MAF: variants seen among roughly 807,000 people sequenced by gnomAD.
The protein encoded by MAF is MAF bZIP transcription factor.
A neutral mutation model predicts 22.0 loss-of-function variants in MAF; 10 were observed. The observed-to-expected ratio is 0.45, with a 90% CI of 0.28 to 0.77. The LOEUF is 0.77. Among genes scored for constraint, MAF ranks in the 30% least tolerant of loss-of-function variants. MAF has a pLI of 0.12. For missense variants in MAF, 544 were observed against 548.4 expected, an observed-to-expected ratio of 0.99 and a Z score of 0.08; for synonymous variants, 337 against 255.8, an observed-to-expected ratio of 1.32 and a Z score of -3.03.
chr16:79,561,564 G>C, the MAF span, among the ~76,000 whole-genome samples: 1 of 151,256 alleles, frequency 6.6e-6, no homozygotes, highest in African/African-American at 2.4e-5. Context: ...AGAACATGCA[G>C]TGTTTGGTTT....
At chr16:79,491,634 G>C in the MAF span, among the ~76,000 whole-genome samples, 1 of 152,268 alleles carries the variant, frequency 6.6e-6, no homozygotes, top group South Asian at 2.1e-4. Context: ...TGCCCAGAAT[G>C]CCCAGCGACT....
chr16:79,510,371 T>G, the MAF span, among the ~76,000 whole-genome samples: 1 of 152,190 alleles, frequency 6.6e-6, no homozygotes, highest in Admixed American at 6.5e-5. Context: ...TTCTGAGGTT[T>G]TATTAATGTT....
chr16:79,419,013 T>C, the MAF span, among the ~76,000 whole-genome samples: 1 of 152,220 alleles, frequency 6.6e-6, no homozygotes, highest in Non-Finnish European at 1.5e-5. Flanking sequence ...TAATAAGTGC[T>C]ATATCACAGA....
chr16:79,537,244 T>C, the MAF span, among the ~76,000 whole-genome samples: 2 of 152,220 alleles, frequency 1.3e-5, no homozygotes, highest in Non-Finnish European at 2.9e-5. Context: ...AACCTCGAAG[T>C]TTCCTGGTTT....
the MAF span, among the ~76,000 whole-genome samples, chr16:79,385,527 G>A: frequency 2.0e-5 from 3 of 152,190 alleles, no homozygotes; most frequent in Non-Finnish European, 2.9e-5. Flanking sequence ...GCAAGCATGC[G>A]TCTACTTATG....
At chr16:79,423,066 G>C in the MAF span, among the ~76,000 whole-genome samples, 1 of 152,164 alleles carries the variant, frequency 6.6e-6, no homozygotes, top group Admixed American at 6.5e-5. Context: ...AAGCCCAAGA[G>C]GGAGGGGATT....
At chr16:79,386,590 C>T in the MAF span, among the ~76,000 whole-genome samples, 14 of 152,168 alleles carry the variant, frequency 9.2e-5, no homozygotes, top group African/African-American at 2.4e-4. Context: ...GCCCATGGCC[C>T]GGTGGATGGG....
At chr16:79,340,966 T>G in the MAF span, among the ~76,000 whole-genome samples, 2 of 152,138 alleles carry the variant, frequency 1.3e-5, no homozygotes, top group African/African-American at 4.8e-5. Flanking sequence ...AGGTGACATT[T>G]AAGATGGGAC....
At chr16:79,450,958 GT>G in the MAF span, among the ~76,000 whole-genome samples, 1,777 of 151,972 alleles carry the variant, frequency 0.012, 36 homozygotes, top group African/African-American at 0.039. Context: ...TTTTTTCACG[GT>G]AATGTTCACA....
chr16:79,542,607 C>T, the MAF span, among the ~76,000 whole-genome samples: 3 of 152,336 alleles, frequency 2.0e-5, no homozygotes, highest in African/African-American at 7.2e-5. Context: ...ACTCTGGGTA[C>T]AGTGGCCAGA....
the MAF span, among the ~76,000 whole-genome samples, chr16:79,385,360 C>T: frequency 6.6e-6 from 1 of 152,178 alleles, no homozygotes; most frequent in African/African-American, 2.4e-5. Flanking sequence ...TGAATTTTGT[C>T]TCTGCCCGAG....
At chr16:79,546,613 G>A in the MAF span, among the ~76,000 whole-genome samples, 1 of 152,162 alleles carries the variant, frequency 6.6e-6, no homozygotes. Flanking sequence ...CTTTGAAGAA[G>A]GAAGAAGTTG....
the MAF span, among the ~76,000 whole-genome samples, chr16:79,239,225 A>C: frequency 1.3e-5 from 2 of 152,034 alleles, no homozygotes; most frequent in African/African-American, 4.8e-5. Context: ...CCGAGCTGGA[A>C]CATTTGCATG....
chr16:79,367,546 C>G, the MAF span, among the ~76,000 whole-genome samples: 6 of 152,296 alleles, frequency 3.9e-5, no homozygotes, highest in South Asian at 1.2e-3. Context: ...ATACTACATA[C>G]TAAGTGACTC....
chr16:79,209,975 G>C, the MAF span, among the ~76,000 whole-genome samples: 9 of 152,320 alleles, frequency 5.9e-5, no homozygotes, highest in South Asian at 4.1e-4. Context: ...TGGCTATTTG[G>C]AGTGGGCATG....
chr16:79,400,514 C>A, the MAF span, among the ~76,000 whole-genome samples: 1 of 152,210 alleles, frequency 6.6e-6, no homozygotes, highest in Non-Finnish European at 1.5e-5. Flanking sequence ...GGAGTTTATA[C>A]TTCTGGGGAG....
At chr16:79,363,956 G>T in the MAF span, among the ~76,000 whole-genome samples, 1 of 152,180 alleles carries the variant, frequency 6.6e-6, no homozygotes, top group Admixed American at 6.5e-5. Flanking sequence ...CAGCCTGACT[G>T]GGACCTCTTC....
the MAF span, among the ~76,000 whole-genome samples, chr16:79,459,075 C>T: frequency 1.4e-4 from 21 of 152,172 alleles, no homozygotes; most frequent in Non-Finnish European, 2.2e-4. Context: ...TATGCAATCT[C>T]ATCTATCTCC....
chr16:79,419,590 G>T, the MAF span, among the ~76,000 whole-genome samples: 1 of 152,142 alleles, frequency 6.6e-6, no homozygotes, highest in South Asian at 2.1e-4. Flanking sequence ...TATCTTCCAT[G>T]TCTGTTCTGG....
Sources: gnomAD v4.1 joint callset for allele counts (sites outside exome capture counted in the v4.1 genomes callset) on GRCh38, gnomAD v4.1.1 for gene constraint, MANE v1.5 for transcripts, NCBI Gene and HGNC (gene_info 2026-07-23, HGNC 2026-07-21) for gene names.